CLIP1: variants seen among roughly 807,000 people sequenced by gnomAD.
CLIP1 encodes CAP-Gly domain-containing linker protein 1.
Under a neutral mutation model 161.6 loss-of-function variants are expected in CLIP1, and 66 were observed. The observed-to-expected ratio is 0.41, with a 90% CI of 0.33 to 0.50. The LOEUF is 0.50. CLIP1 is among the 20% of genes least tolerant of loss of function. The probability of loss-of-function intolerance (pLI) is 0.27; values close to 1 mark genes in which losing one functional copy is unlikely to be tolerated. For missense variants in CLIP1, 1,376 were observed against 1,702.0 expected (o/e 0.81, Z 3.37); for synonymous variants, 598 against 626.2 (o/e 0.96, Z 0.67).
chr12:122,279,274 AG>A lies in CLIP1; in HGVS notation c.3648-130del. ...AAAAAATATAACAGGGAAGTTTTAT[AG>A]GGAGTTAAGGCCATTATGCTCACAA... is the stretch of plus-strand genomic sequence containing the variant. On this transcript the variant is annotated intron_variant, in intron 21 of 25. Transcript: ENST00000620786. The surrounding 1 kb of genome is among the most constrained non-coding windows in gnomAD (Gnocchi z 4.5). 1 of 611,440 alleles carries A rather than the reference AG, an allele frequency of 1.6e-6. No homozygotes were observed. The allele number at this position is 611,440 out of a possible 1,614,324, so 37.9% of individuals were successfully genotyped here.
rs754114163 is a variant in CLIP1, at chr12:122,336,658, T to C, written c.2542A>G (p.Thr848Ala). The C allele has an allele frequency of 2.5e-6, 4 of 1,606,954 alleles. No individual in the cohort carries two copies. The highest frequency in any genetic ancestry group is 1.3e-5 in the African/African-American group (1 of 74,780). Reference sequence around the variant, plus strand: ...AAAATCTGAAGTTCTTTTTCCAAAGTCTCTTTCACTTGACTGACTTCACTC... The same window carrying C: ...AAAATCTGAAGTTCTTTTTCCAAAGCCTCTTTCACTTGACTGACTTCACTC... The part of the protein sequence containing the change: ...NLSEVSQVKE[T>A]LEKELQILKE... Residue 848 changes from threonine (T) to alanine (A), a missense_variant, in exon 12 of 26, where the codon ACT becomes GCT. By Grantham distance (58) the Thr-to-Ala change is moderately conservative. Coordinates refer to ENST00000620786, the MANE Select transcript of CLIP1 (RefSeq NM_001247997.2).
Position 122,328,026 on chromosome 12 carries a change from T to C in CLIP1, c.3170A>G (p.Lys1057Arg), listed in dbSNP as rs1164274396. Reference sequence around the variant, plus strand: ...GTTCTCCTCCCGTGCGCCCTTCAGCTTGTCCTCTGTGTCCAGCAGCGTCTT... The same window carrying C: ...GTTCTCCTCCCGTGCGCCCTTCAGCCTGTCCTCTGTGTCCAGCAGCGTCTT... The part of the protein sequence containing the change: ...LQKTLLDTED[K>R]LKGAREENSG... Residue 1057 changes from lysine to arginine, a missense_variant, in exon 17 of 26, where the codon AAG (lysine) becomes AGG (arginine). Physicochemically the swap from Lys to Arg is conservative, Grantham distance 26. This residue lies in a region of CLIP1 where 948 missense variants were observed against 1,134.8 expected (regional missense o/e 0.84). Transcript: ENST00000620786. 2 of 1,614,096 alleles carry C rather than the reference T, an allele frequency of 1.2e-6. No homozygotes were observed. Among genetic ancestry groups the C allele is most frequent in the African/African-American group, 2.7e-5 (2 of 74,940 alleles).
chr12:122,294,703 A>C (rs1409872005), intron 20 of CLIP1, among the ~76,000 whole-genome samples: 2 of 152,180 alleles, frequency 1.3e-5, no homozygotes, highest in African/African-American at 2.4e-5. Flanking sequence ...GCACCACAGC[A>C]CTCCAGCCTG....
chr12:122,338,028 A>ACAAAAC (rs3082428), intron 11 of CLIP1, among the ~76,000 whole-genome samples: 3,092 of 149,934 alleles, frequency 0.021, 109 homozygotes, highest in African/African-American at 0.073. Flanking sequence ...AAAAAAAAAA[A>ACAAAAC]CAAAACCAAA....
At chr12:122,360,754 T>G in intron 5 of CLIP1, 1 of 539,498 alleles carries the variant, frequency 1.9e-6, no homozygotes, top group South Asian at 2.8e-5. Context: ...AAGGGACTAT[T>G]AAAAGCACTT....
chr12:122,397,579 A>AAG (rs1955967159), intron 1 of CLIP1, among the ~76,000 whole-genome samples: 2 of 138,482 alleles, frequency 1.4e-5, no homozygotes, highest in Non-Finnish European at 3.2e-5. Context: ...AAAAAAAAAA[A>AAG]GGAAGAAAGA....
chr12:122,328,389 T>G lies in CLIP1; in HGVS notation c.2905A>C (p.Asn969His). The G allele has an allele frequency of 6.2e-7, 1 of 1,611,468 alleles. No individual in the cohort carries two copies. The highest frequency in any genetic ancestry group is 2.2e-5 in the East Asian group (1 of 44,776). Reference protein sequence around the residue: ...EELQLKLTKANENASFLQKSI... With the variant: ...EELQLKLTKAHENASFLQKSI... ...TTTTGCAGAAAACTTGCATTTTCAT[T>G]AGCCTTTGTAAGTTTTAGCTGTAAT... The change falls in exon 16 of 26, where the codon AAT becomes CAT. Residue 969 changes from asparagine to histidine, a missense_variant. Transcript: ENST00000620786.
At chr12:122,290,940 TG>T (rs1950225433) in intron 20 of CLIP1, among the ~76,000 whole-genome samples, 1 of 151,766 alleles carries the variant, frequency 6.6e-6, no homozygotes, top group Non-Finnish European at 1.5e-5. Context: ...TTGCCCAGGC[TG>T]GAGTGCAATG....
intron 3 of CLIP1, chr12:122,364,927 C>T: frequency 1.9e-6 from 1 of 522,204 alleles, no homozygotes; most frequent in Non-Finnish European, 3.7e-6. Flanking sequence ...GAGTTCATGT[C>T]CTTTGTAGGG....
At chr12:122,385,191 A>G (rs1434981187) in intron 1 of CLIP1, among the ~76,000 whole-genome samples, 2 of 151,968 alleles carry the variant, frequency 1.3e-5, no homozygotes, top group African/African-American at 4.8e-5. Context: ...TTGGCCTCCT[A>G]AAGTGTTGGG....
At chr12:122,291,540 A>T (rs1257332819) in intron 20 of CLIP1, among the ~76,000 whole-genome samples, 1 of 152,116 alleles carries the variant, frequency 6.6e-6, no homozygotes, top group African/African-American at 2.4e-5. Context: ...TTTGAAGAGT[A>T]TAAGCCAGTT....
intron 15 of CLIP1, among the ~76,000 whole-genome samples, chr12:122,330,597 G>GTT (rs71082966): frequency 0.012 from 1,209 of 101,374 alleles, 65 homozygotes; most frequent in South Asian, 0.014. Context: ...GTATAATGCA[G>GTT]TTTTTTTTTT....
At chr12:122,390,275 T>C (rs796402737) in intron 1 of CLIP1, among the ~76,000 whole-genome samples, 7 of 48,258 alleles carry the variant, frequency 1.5e-4, no homozygotes, top group East Asian at 2.3e-3. Context: ...CACATATATA[T>C]ATACATATAT....
chr12:122,301,441 C>T (rs542347902), intron 20 of CLIP1, among the ~76,000 whole-genome samples: 179 of 152,150 alleles, frequency 1.2e-3, no homozygotes, highest in Non-Finnish European at 2.4e-3. Context: ...GAGGCCGAGG[C>T]GAGTCCTGAC....
chr12:122,298,876 A>G (rs1420906553), intron 20 of CLIP1, among the ~76,000 whole-genome samples: 1 of 151,620 alleles, frequency 6.6e-6, no homozygotes, highest in Non-Finnish European at 1.5e-5. Context: ...AATCGCGTGA[A>G]CCCAGGAGAC....
At chr12:122,304,521 C>T (rs907543672) in intron 20 of CLIP1, among the ~76,000 whole-genome samples, 14 of 152,090 alleles carry the variant, frequency 9.2e-5, no homozygotes, top group Non-Finnish European at 1.6e-4. Context: ...CCACCATGCC[C>T]GGCTAATTTT....
intron 21 of CLIP1, among the ~76,000 whole-genome samples, chr12:122,282,298 A>G (rs1299800792): frequency 1.3e-5 from 2 of 152,158 alleles, no homozygotes; most frequent in Non-Finnish European, 2.9e-5. Context: ...CTATGCCAAC[A>G]TTACTGACGT....
chr12:122,375,128 T>C (rs1201953885), intron 3 of CLIP1, among the ~76,000 whole-genome samples: 1 of 152,052 alleles, frequency 6.6e-6, no homozygotes, highest in Admixed American at 6.6e-5. Flanking sequence ...AGGGACTTAG[T>C]TTGTCTTCTT....
intron 20 of CLIP1, among the ~76,000 whole-genome samples, chr12:122,302,858 C>T (rs1950741626): frequency 1.3e-5 from 2 of 152,150 alleles, no homozygotes; most frequent in African/African-American, 4.8e-5. Context: ...CGGCCTCACA[C>T]AGTCCTAGAA....
Sources: allele counts gnomAD v4.1 joint callset (sites outside exome capture counted in the v4.1 genomes callset), GRCh38; gene constraint gnomAD v4.1.1; regional missense constraint gnomAD v4.1.1; non-coding constraint Gnocchi (gnomAD v3.1); transcripts MANE v1.5; gene names NCBI Gene and HGNC (gene_info 2026-07-23, HGNC 2026-07-21).